The following CSMD3 variants were observed in gnomAD, a reference collection of about 807,000 sequenced individuals.
CSMD3 encodes the protein CUB and Sushi multiple domains 3, also known as CUB and sushi domain-containing protein 3.
CSMD3 carries 177 observed loss-of-function variants against 435.2 expected under a neutral mutation model. The ratio of observed to expected loss-of-function variants is 0.41; its 90% CI spans 0.36 to 0.46. The LOEUF (loss-of-function observed/expected upper bound fraction) is 0.46. CSMD3 is among the 20% of genes least tolerant of loss of function. CSMD3 has a pLI of 0.34. For synonymous variants in CSMD3, 1,656 were observed against 1,520.5 expected (o/e 1.09, Z -2.07); for missense variants, 4,265 against 4,504.6 (o/e 0.95, Z 1.52).
chr8:113,260,056 GAT>G lies in CSMD3; in HGVS notation c.514+18534_514+18535del, dbSNP rs199942650. 2.0e-5 allele frequency among the ~76,000 whole-genome samples: 3 copies of G among 152,068 alleles called. No homozygotes were observed. The East Asian group carries it at 5.8e-4, about 29-fold the overall frequency. On this transcript the variant is annotated intron_variant, in intron 3 of 70. Coordinates refer to ENST00000297405, the MANE Select transcript of CSMD3 (RefSeq NM_198123.2). The stretch of plus-strand genomic sequence containing the variant: ...TTTCTTCTGCTGCATTGTGAAGAAG[GAT>G]ATGTTTCCTTCCCCTTCCACCATAA...
intron 60 of CSMD3, 128 bp downstream of exon 60, chr8:112,265,283 A>T: frequency 4.2e-6 from 2 of 479,014 alleles, no homozygotes; most frequent in Non-Finnish European, 7.1e-6. Context: ...AGCCATTTTT[A>T]GTACTAGAAA....
At chr8:113,249,999 G>A (rs956856600) in intron 3 of CSMD3, among the ~76,000 whole-genome samples, 1 of 152,064 alleles carries the variant, frequency 6.6e-6, no homozygotes, top group Admixed American at 6.6e-5. Flanking sequence ...GATAAACATA[G>A]AAAGTTGCTT....
At chr8:112,419,585 A>G (rs1169204419) in intron 32 of CSMD3, among the ~76,000 whole-genome samples, 2 of 152,174 alleles carry the variant, frequency 1.3e-5, no homozygotes, top group Non-Finnish European at 2.9e-5. Context: ...TTGTCAACCC[A>G]TAAACTAGGT....
intron 30 of CSMD3, among the ~76,000 whole-genome samples, chr8:112,497,441 C>T (rs184248006): frequency 3.0e-4 from 46 of 150,986 alleles, no homozygotes; most frequent in Admixed American, 3.0e-3. Flanking sequence ...GATTATGACA[C>T]ATTGTGCACC....
intron 5 of CSMD3, among the ~76,000 whole-genome samples, chr8:113,069,119 C>A (rs1015446358): frequency 4.6e-5 from 7 of 152,140 alleles, no homozygotes; most frequent in Middle Eastern, 3.4e-3. Context: ...CCAAAAAAAA[C>A]CACACAAATG....
chr8:113,355,719 T>TACA (rs1491369203), intron 1 of CSMD3, among the ~76,000 whole-genome samples: 1 of 79,650 alleles, frequency 1.3e-5, no homozygotes, highest in African/African-American at 5.2e-5. Context: ...AAAAGTTTTA[T>TACA]TTTTATATAT....
intron 1 of CSMD3, among the ~76,000 whole-genome samples, chr8:113,398,866 G>A (rs1285989632): frequency 6.6e-6 from 1 of 151,698 alleles, no homozygotes; most frequent in Non-Finnish European, 1.5e-5. Flanking sequence ...AAGCTTGGAA[G>A]CCATGAAGAG....
At chr8:112,543,022 G>A (rs577920737) in intron 27 of CSMD3, among the ~76,000 whole-genome samples, 119 of 152,026 alleles carry the variant, frequency 7.8e-4, no homozygotes, top group Non-Finnish European at 1.3e-3. Flanking sequence ...CTTGACAAAC[G>A]GTATTTAGAA....
At chr8:112,727,781 A>C (rs2076996746) in intron 13 of CSMD3, among the ~76,000 whole-genome samples, 1 of 151,920 alleles carries the variant, frequency 6.6e-6, no homozygotes, top group African/African-American at 2.4e-5. Context: ...TATCTTATTC[A>C]AAATGAAGTG....
chr8:112,785,791 GA>G (rs922059319), intron 13 of CSMD3, among the ~76,000 whole-genome samples: 2 of 151,432 alleles, frequency 1.3e-5, no homozygotes, highest in South Asian at 2.1e-4. Flanking sequence ...AAAAGAACAG[GA>G]AAAAAAGGAA....
intron 31 of CSMD3, among the ~76,000 whole-genome samples, chr8:112,485,097 G>A (rs1034841779): frequency 6.6e-6 from 1 of 152,120 alleles, no homozygotes; most frequent in Admixed American, 6.5e-5. Context: ...TGGAGACAGA[G>A]TGTATGTAAG....
At chr8:112,725,902 T>C (rs1242327829) in intron 13 of CSMD3, among the ~76,000 whole-genome samples, 1 of 152,002 alleles carries the variant, frequency 6.6e-6, no homozygotes, top group Non-Finnish European at 1.5e-5. Flanking sequence ...ATTAGTCCAT[T>C]TTCATACTGC....
Position 112,306,713 on chromosome 8 carries a change from G to A in CSMD3, c.7886-521C>T, listed in dbSNP as rs1031822180. ...AGCAGAAGCCACAATGTATGAGCTGGGGCACCATCCACAAAGTATTGTGTA... is the reference window on the plus strand; with the variant it reads ...AGCAGAAGCCACAATGTATGAGCTGAGGCACCATCCACAAAGTATTGTGTA... On this transcript the variant is annotated intron_variant, in intron 50 of 70. Transcript: ENST00000297405. 3.3e-5 allele frequency among the ~76,000 whole-genome samples: 5 copies of A among 152,170 alleles called. No individual in the cohort carries two copies. In the East Asian group the frequency reaches 9.7e-4, roughly 29 times the overall value.
At chr8:113,296,814 C>T (rs16884503) in intron 2 of CSMD3, among the ~76,000 whole-genome samples, 15,753 of 152,066 alleles carry the variant, frequency 0.1, 1,257 homozygotes, top group African/African-American at 0.22. Context: ...GTCTCTAATT[C>T]GTAGTTCCAA....
chr8:112,689,545 TG>T (rs2076086779), intron 14 of CSMD3, among the ~76,000 whole-genome samples: 1 of 152,046 alleles, frequency 6.6e-6, no homozygotes, highest in Non-Finnish European at 1.5e-5. Context: ...TTAAAATAAA[TG>T]AGTCTATTAG....
chr8:112,569,135 A>G (rs561469309), intron 24 of CSMD3, among the ~76,000 whole-genome samples: 1 of 152,286 alleles, frequency 6.6e-6, no homozygotes, highest in Admixed American at 6.6e-5. Flanking sequence ...TATTTCTGAT[A>G]AAAGGAGTAT....
intron 4 of CSMD3, among the ~76,000 whole-genome samples, chr8:113,100,614 C>T (rs2090301232): frequency 6.6e-6 from 1 of 151,880 alleles, no homozygotes; most frequent in Non-Finnish European, 1.5e-5. Flanking sequence ...GAAAAAAATC[C>T]CACAGTTTAG....
intron 4 of CSMD3, among the ~76,000 whole-genome samples, chr8:113,116,527 T>C (rs2090833453): frequency 6.6e-6 from 1 of 152,138 alleles, no homozygotes; most frequent in South Asian, 2.1e-4. Context: ...GAGAACAGAC[T>C]TATACAGTTA....
At chr8:112,410,270 T>C (rs566128566) in intron 32 of CSMD3, among the ~76,000 whole-genome samples, 2 of 88,218 alleles carry the variant, frequency 2.3e-5, no homozygotes, top group Non-Finnish European at 4.4e-5. Flanking sequence ...TACAGCGATG[T>C]TTCTTTGAAC....
Sources: gnomAD v4.1 joint callset for allele counts (sites outside exome capture counted in the v4.1 genomes callset) on GRCh38, gnomAD v4.1.1 for gene constraint, MANE v1.5 for transcripts, NCBI Gene and HGNC (gene_info 2026-07-23, HGNC 2026-07-21) for gene names.